The following PPP2R2B variants were observed in gnomAD, a reference collection of about 807,000 sequenced individuals.
PPP2R2B encodes protein phosphatase 2 regulatory subunit Bbeta, also known as serine/threonine-protein phosphatase 2A 55 kDa regulatory subunit B beta isoform.
PPP2R2B carries 5 observed loss-of-function variants against 46.0 expected under a neutral mutation model. The ratio of observed to expected loss-of-function variants is 0.11; its 90% confidence interval spans 0.06 to 0.23. The LOEUF (loss-of-function observed/expected upper bound fraction) is 0.23, where lower values mean the gene tolerates loss of function less well. Among genes scored for constraint, PPP2R2B ranks in the 10% least tolerant of loss-of-function variants. The probability of loss-of-function intolerance (pLI) is 1.00; values close to 1 mark genes in which losing one functional copy is unlikely to be tolerated. For missense variants in PPP2R2B, 367 were observed against 575.0 expected (o/e 0.64, Z 3.70); for synonymous variants, 215 against 206.7 (o/e 1.04, Z -0.34).
chr5:146,596,122 T>A (rs936417627), intron 8 of PPP2R2B, among the ~76,000 whole-genome samples: 1 of 152,234 alleles, frequency 6.6e-6, no homozygotes, highest in East Asian at 1.9e-4. Flanking sequence ...ATAGAAGATA[T>A]GTAAATGACT....
At chr5:146,721,608 T>C (rs1374013033) in intron 2 of PPP2R2B, among the ~76,000 whole-genome samples, 3 of 152,248 alleles carry the variant, frequency 2.0e-5, no homozygotes, top group Non-Finnish European at 2.9e-5. Flanking sequence ...TTCAACATCA[T>C]TGGATTCCAC....
intron 2 of PPP2R2B, among the ~76,000 whole-genome samples, chr5:147,074,179 C>A (rs1208102241): frequency 3.3e-5 from 5 of 152,030 alleles, no homozygotes; most frequent in African/African-American, 1.2e-4. Context: ...TTCATATGCA[C>A]AATAAGGTTG....
intron 1 of PPP2R2B, among the ~76,000 whole-genome samples, chr5:147,026,482 T>G (rs754153594): frequency 1.3e-5 from 2 of 152,100 alleles, no homozygotes; most frequent in Non-Finnish European, 2.9e-5. Flanking sequence ...AGAAACTTTT[T>G]GAGGGTAATA....
chr5:146,738,690 C>T (rs1346428207), intron 2 of PPP2R2B, among the ~76,000 whole-genome samples: 1 of 152,152 alleles, frequency 6.6e-6, no homozygotes, highest in Non-Finnish European at 1.5e-5. Flanking sequence ...TCAGATTCCT[C>T]ATGGGCAGAG....
intron 5 of PPP2R2B, among the ~76,000 whole-genome samples, chr5:146,652,187 T>C (rs1164714984): frequency 6.6e-6 from 1 of 152,128 alleles, no homozygotes; most frequent in Non-Finnish European, 1.5e-5. Flanking sequence ...CACTAACCAA[T>C]AGGCTATGAG....
At chr5:146,707,225 T>A (rs1417290001) in intron 2 of PPP2R2B, 12 of 1,580,704 alleles carry the variant, frequency 7.6e-6, no homozygotes, top group Non-Finnish European at 1.0e-5. Flanking sequence ...CCAGCCGTCT[T>A]CTGCTGCTGC....
intron 1 of PPP2R2B, among the ~76,000 whole-genome samples, chr5:146,986,940 A>G (rs1250016204): frequency 1.3e-5 from 2 of 152,178 alleles, no homozygotes; most frequent in East Asian, 3.8e-4. Context: ...AACTCAAACA[A>G]GACTATCTTA....
At chr5:146,765,978 A>C (rs534172685) in intron 2 of PPP2R2B, among the ~76,000 whole-genome samples, 1 of 152,202 alleles carries the variant, frequency 6.6e-6, no homozygotes, top group Admixed American at 6.5e-5. Flanking sequence ...TAGACTCTCC[A>C]TTTATTATCA....
intron 2 of PPP2R2B, among the ~76,000 whole-genome samples, chr5:146,860,575 A>G (rs1440870697): frequency 6.6e-6 from 1 of 152,152 alleles, no homozygotes. Context: ...CTGCTGCCCC[A>G]TATGCAGACC....
intron 2 of PPP2R2B, among the ~76,000 whole-genome samples, chr5:146,853,052 T>C (rs1452038884): frequency 2.0e-5 from 3 of 152,090 alleles, no homozygotes; most frequent in Non-Finnish European, 2.9e-5. Flanking sequence ...AGATTAAAGA[T>C]CTCAGGAATG....
intron 2 of PPP2R2B, among the ~76,000 whole-genome samples, chr5:146,738,429 C>T (rs17105326): frequency 0.13 from 19,022 of 149,992 alleles, 1,288 homozygotes; most frequent in East Asian, 0.19. Flanking sequence ...CTTAGCTTCA[C>T]AGAAAAACTA....
chr5:146,932,496 AC>A (rs1434851462), intron 1 of PPP2R2B, among the ~76,000 whole-genome samples: 2 of 152,012 alleles, frequency 1.3e-5, no homozygotes, highest in Non-Finnish European at 2.9e-5. Flanking sequence ...TTTGCTTGGC[AC>A]TTTTTCTTGT....
intron 2 of PPP2R2B, among the ~76,000 whole-genome samples, chr5:146,829,133 T>C (rs1412517822): frequency 6.6e-6 from 1 of 152,172 alleles, no homozygotes; most frequent in East Asian, 1.9e-4. Context: ...AGTAAGAAAA[T>C]TATACTGCAA....
intron 2 of PPP2R2B, among the ~76,000 whole-genome samples, chr5:146,841,434 T>C (rs561857717): frequency 1.3e-5 from 2 of 152,148 alleles, no homozygotes; most frequent in South Asian, 4.2e-4. Context: ...AGGGAGAAAA[T>C]GCACTATTTG....
At chr5:147,046,492 G>C (rs1756550650) in intron 1 of PPP2R2B, among the ~76,000 whole-genome samples, 1 of 152,164 alleles carries the variant, frequency 6.6e-6, no homozygotes, top group African/African-American at 2.4e-5. Context: ...TCCCTCTAAT[G>C]ATGGCAATGA....
chr5:146,784,064 T>G (rs2151286520), intron 2 of PPP2R2B, among the ~76,000 whole-genome samples: 1 of 152,278 alleles, frequency 6.6e-6, no homozygotes, highest in African/African-American at 2.4e-5. Flanking sequence ...CCCCAAAATC[T>G]TATGCAATAA....
Position 146,746,888 on chromosome 5 carries a change from G to A in PPP2R2B, c.71-45746C>T, listed in dbSNP as rs943213869. ...CCATTATGCAGATACCAAAACTGAG[G>A]CTCAGGAAGGCCAACCTAACAAGTT... On this transcript the variant is annotated intron_variant, in intron 2 of 9. Coordinates refer to ENST00000394411, the MANE Select transcript of PPP2R2B (RefSeq NM_181675.4). Among the ~76,000 whole-genome samples the A allele has an allele frequency of 2.6e-5, 4 of 152,128 alleles. No individual in the cohort carries two copies. In the East Asian group the frequency reaches 7.7e-4, roughly 29 times the overall value.
rs536759954 is a variant in PPP2R2B at position 146,985,051 on chromosome 5, C to T, written c.79+70614G>A. On this transcript the variant is annotated intron_variant, in intron 1 of 8. Transcript: ENST00000336640. ...TTTTTTTTTTTTTGAGACGGAGTCT[C>T]ACTCTGTCAACCAGGCTGGAGTGCA... 2.3e-5 allele frequency among the ~76,000 whole-genome samples: 3 copies of T among 131,814 alleles called. No homozygotes were observed. In the East Asian group the frequency reaches 7.5e-4, roughly 33 times the overall value. 86.5% of individuals were successfully genotyped at this position (131,814 alleles called of 152,430 possible).
chr5:146,812,047 T>C lies in PPP2R2B; in HGVS notation c.70+65955A>G, dbSNP rs562508691. 7.9e-5 allele frequency among the ~76,000 whole-genome samples: 12 copies of C among 152,184 alleles called. No homozygotes were observed. In the South Asian group the frequency reaches 1.9e-3, roughly 24 times the overall value. The stretch of plus-strand genomic sequence containing the variant: ...TCAGGAGCCTGGATTAGTGGTCTTA[T>C]TGGCATGCTACAGGGAACTGGGCCC... On this transcript the variant is annotated intron_variant, in intron 2 of 9. Transcript: ENST00000394411.
Sources: allele counts gnomAD v4.1 joint callset (sites outside exome capture counted in the v4.1 genomes callset), GRCh38; gene constraint gnomAD v4.1.1; transcripts MANE v1.5; gene names NCBI Gene and HGNC (gene_info 2026-07-23, HGNC 2026-07-21).